The following TYW1 variants were observed in gnomAD, a reference collection of about 807,000 sequenced individuals.
The protein encoded by TYW1 is tRNA-yW synthesizing protein 1 homolog.
A neutral mutation model predicts 96.2 loss-of-function variants in TYW1; 46 were observed. That is an observed-to-expected ratio of 0.48 (90% confidence interval 0.38 to 0.61). TYW1 has a LOEUF of 0.61. Among genes scored for constraint, TYW1 ranks in the 20% least tolerant of loss-of-function variants. The probability of loss-of-function intolerance (pLI) is 0.00; values close to 1 mark genes in which losing one functional copy is unlikely to be tolerated. For missense variants in TYW1, 684 were observed against 909.6 expected (o/e 0.75, Z 3.19); for synonymous variants, 274 against 323.0 (o/e 0.85, Z 1.63).
At chr7:67,194,390 T>C (rs4717055) in intron 14 of TYW1, among the ~76,000 whole-genome samples, 40,987 of 147,690 alleles carry the variant, frequency 0.28, 6,353 homozygotes, top group African/African-American at 0.41. Flanking sequence ...CTTGGGAGGC[T>C]GGGGCAGGTA....
intron 13 of TYW1, among the ~76,000 whole-genome samples, chr7:67,163,773 A>G (rs1799240934): frequency 6.6e-6 from 1 of 150,954 alleles, no homozygotes; most frequent in Non-Finnish European, 1.5e-5. Context: ...GGTTCAAGTG[A>G]TTCTCATGCC....
At chr7:67,230,177 T>C (rs1362167930) in intron 15 of TYW1, among the ~76,000 whole-genome samples, 1 of 152,004 alleles carries the variant, frequency 6.6e-6, no homozygotes, top group East Asian at 1.9e-4. Context: ...ACTTTTGCTC[T>C]CATTCAAAAG....
At chr7:67,119,209 C>T (rs1797690391) in intron 13 of TYW1, among the ~76,000 whole-genome samples, 1 of 151,946 alleles carries the variant, frequency 6.6e-6, no homozygotes, top group South Asian at 2.1e-4. Context: ...ATGACAATCA[C>T]CCCAGGAGCT....
intron 13 of TYW1, among the ~76,000 whole-genome samples, chr7:67,123,526 A>G (rs1311971660): frequency 6.6e-6 from 1 of 152,218 alleles, no homozygotes; most frequent in East Asian, 1.9e-4. Context: ...TTGAGGCATC[A>G]GGTAATGTCT....
chr7:67,101,807 A>T (rs1797096914), intron 12 of TYW1, among the ~76,000 whole-genome samples: 1 of 152,160 alleles, frequency 6.6e-6, no homozygotes, highest in African/African-American at 2.4e-5. Context: ...CTGAAATTTA[A>T]TGTCATAGGA....
intron 13 of TYW1, among the ~76,000 whole-genome samples, chr7:67,161,789 G>A (rs779742422): frequency 6.6e-6 from 1 of 152,068 alleles, no homozygotes; most frequent in Admixed American, 6.6e-5. Flanking sequence ...TTCTTTCTGG[G>A]CTCATCTTCC....
intron 12 of TYW1, among the ~76,000 whole-genome samples, chr7:67,109,089 C>T (rs1252050957): frequency 2.0e-5 from 3 of 151,318 alleles, no homozygotes; most frequent in East Asian, 2.0e-4. Context: ...CTGGCTAACA[C>T]GGTGAAACCC....
At chr7:67,021,350 T>C (rs1408577550) in intron 6 of TYW1, among the ~76,000 whole-genome samples, 1 of 152,290 alleles carries the variant, frequency 6.6e-6, no homozygotes, top group Non-Finnish European at 1.5e-5. Context: ...TGTCATGTGC[T>C]TTATTCTCCA....
chr7:67,021,838 A>AAGT (rs1288485547), intron 6 of TYW1, among the ~76,000 whole-genome samples: 8 of 152,314 alleles, frequency 5.3e-5, no homozygotes, highest in Non-Finnish European at 5.9e-5. Context: ...TCCATTAGAA[A>AAGT]CTTGAGTCTA....
intron 15 of TYW1, among the ~76,000 whole-genome samples, chr7:67,215,058 G>A (rs1379604771): frequency 2.0e-5 from 3 of 149,688 alleles, no homozygotes; most frequent in African/African-American, 5.0e-5. Flanking sequence ...TTTCATGAAG[G>A]TACTGCAGAG....
intron 15 of TYW1, among the ~76,000 whole-genome samples, chr7:67,236,469 C>A (rs576251321): frequency 6.6e-6 from 1 of 152,262 alleles, no homozygotes; most frequent in African/African-American, 2.4e-5. Context: ...GTGTGAGCGG[C>A]CAGGGAAAAG....
At chr7:67,058,750 A>G (rs1319066623) in intron 9 of TYW1, among the ~76,000 whole-genome samples, 1 of 152,094 alleles carries the variant, frequency 6.6e-6, no homozygotes, top group Non-Finnish European at 1.5e-5. Flanking sequence ...TGCTGGGATT[A>G]TAGTCATGAG....
At chr7:67,013,231 T>A (rs537511556) in intron 4 of TYW1, among the ~76,000 whole-genome samples, 3 of 152,152 alleles carry the variant, frequency 2.0e-5, no homozygotes, top group African/African-American at 7.2e-5. Context: ...CAAGCAGTTC[T>A]CCTGCCTCAG....
intron 9 of TYW1, 109 bp from the exon 10 acceptor site, chr7:67,067,176 A>T: frequency 1.6e-6 from 2 of 1,230,000 alleles, no homozygotes; most frequent in East Asian, 2.3e-5. Flanking sequence ...TACCAGTAGG[A>T]GTATTCATGG....
chr7:67,195,464 A>G lies in TYW1; in HGVS notation c.1977+127A>G. ...GCTTGTTTGCTACCTTTCCCAAAACAAAAATAAGAGAGCACTAAATTCTGT... is the reference window on the plus strand; with the variant it reads ...GCTTGTTTGCTACCTTTCCCAAAACGAAAATAAGAGAGCACTAAATTCTGT... On this transcript the variant is annotated intron_variant, in intron 15 of 15. Transcript: ENST00000359626. 2.8e-6 allele frequency: 4 copies of G among 1,422,532 alleles called. No individual in the cohort carries two copies. In the South Asian group the frequency reaches 5.1e-5, roughly 18 times the overall value. The allele number at this position is 1,422,532 out of a possible 1,614,324, so 88.1% of individuals were successfully genotyped here. A position where few individuals can be genotyped will look rare whatever the true frequency, so the allele number is the denominator to read the frequency against.
intron 14 of TYW1, 43 bp from the exon 15 acceptor site, chr7:67,195,127 G>T: frequency 1.3e-6 from 2 of 1,583,962 alleles, no homozygotes; most frequent in Non-Finnish European, 1.7e-6. Context: ...ATGACATGCA[G>T]GTAGGTCTGT....
At chr7:67,168,594 T>C (rs1325112190) in intron 13 of TYW1, among the ~76,000 whole-genome samples, 1 of 152,240 alleles carries the variant, frequency 6.6e-6, no homozygotes, top group Non-Finnish European at 1.5e-5. Flanking sequence ...AAAATGACTT[T>C]GTGTAACTGC....
intron 13 of TYW1, among the ~76,000 whole-genome samples, chr7:67,161,520 TG>T (rs1202088235): frequency 6.6e-6 from 1 of 152,218 alleles, no homozygotes; most frequent in African/African-American, 2.4e-5. Flanking sequence ...TGCATGCCTG[TG>T]TGCTCTAACG....
chr7:67,197,952 T>TCCCCCCCCCCCCC (rs1563067011), intron 15 of TYW1, among the ~76,000 whole-genome samples: 2 of 125,974 alleles, frequency 1.6e-5, no homozygotes, highest in Non-Finnish European at 1.6e-5. Flanking sequence ...CTCCCTTCCC[T>TCCCCCCCCCCCCC]ACCCCTGCCC....
Sources: allele counts gnomAD v4.1 joint callset (sites outside exome capture counted in the v4.1 genomes callset), GRCh38; gene constraint gnomAD v4.1.1; transcripts MANE v1.5; gene names NCBI Gene and HGNC (gene_info 2026-07-23, HGNC 2026-07-21).